VPS13B: variants seen among roughly 807,000 people sequenced by gnomAD.
The protein encoded by VPS13B is vacuolar protein sorting 13 homolog B.
Under a neutral mutation model 426.4 loss-of-function variants are expected in VPS13B, and 285 were observed. The observed-to-expected ratio is 0.67, with a 90% confidence interval of 0.61 to 0.74. VPS13B has a LOEUF of 0.74. VPS13B is among the 30% of genes least tolerant of loss of function. The pLI, the probability that VPS13B is intolerant of heterozygous loss-of-function variation, is 0.00. For synonymous variants in VPS13B, 1,676 were observed against 1,676.4 expected, an observed-to-expected ratio of 1.00 and a Z score of 0.01; for missense variants, 4,537 against 4,782.6, an observed-to-expected ratio of 0.95 and a Z score of 1.51.
intron 3 of VPS13B, among the ~76,000 whole-genome samples, chr8:99,090,980 C>T (rs1299760656): frequency 6.6e-6 from 1 of 151,992 alleles, no homozygotes; most frequent in Non-Finnish European, 1.5e-5. Context: ...GGATACACAC[C>T]CACATACCCA....
intron 15 of VPS13B, among the ~76,000 whole-genome samples, chr8:99,169,822 A>G (rs1374491449): frequency 6.6e-6 from 1 of 152,058 alleles, no homozygotes; most frequent in Non-Finnish European, 1.5e-5. Flanking sequence ...GTGATCTTTC[A>G]GGGATGTGAA....
chr8:99,478,463 T>TTG (rs1563752192), intron 24 of VPS13B, among the ~76,000 whole-genome samples: 14 of 112,870 alleles, frequency 1.2e-4, no homozygotes, highest in African/African-American at 2.5e-4. Flanking sequence ...TTTTTTTTTT[T>TTG]TTGTTTTTTG....
At chr8:99,275,413 T>C (rs191319307) in intron 19 of VPS13B, among the ~76,000 whole-genome samples, 159 bp downstream of exon 19, 2 of 152,118 alleles carry the variant, frequency 1.3e-5, no homozygotes, top group Admixed American at 6.5e-5. Context: ...GAAGAATTTT[T>C]GTATCACTTT....
At chr8:99,527,713 A>G (rs543941459) in intron 30 of VPS13B, 50 of 152,200 alleles carry the variant, frequency 3.3e-4, no homozygotes, top group Non-Finnish European at 8.8e-5. Context: ...AGATTTTTAA[A>G]AATTACCTGT....
intron 49 of VPS13B, among the ~76,000 whole-genome samples, chr8:99,820,486 G>C (rs1321907787): frequency 6.6e-6 from 1 of 152,088 alleles, no homozygotes; most frequent in African/African-American, 2.4e-5. Flanking sequence ...TGTTCTTCTG[G>C]AAATTCTCTG....
chr8:99,722,601 G>A lies in VPS13B; in HGVS notation c.7050+1554G>A, dbSNP rs181234538. ...GGCTCACTGCAAGCTCCGCCTCCTG[G>A]GTTCAGGCCATTCTCCTGCCTCAGC... is the stretch of plus-strand genomic sequence containing the variant. On this transcript the variant is annotated intron_variant, in intron 39 of 61. Coordinates refer to ENST00000357162, the MANE Select transcript of VPS13B (RefSeq NM_152564.5). Among the ~76,000 whole-genome samples the A allele has an allele frequency of 2.2e-3, 336 of 151,776 alleles. 3 individuals carry two copies. The highest frequency in any genetic ancestry group is 4.1e-3 in the Non-Finnish European group (277 of 67,934).
chr8:99,576,456 A>G (rs567843078), intron 32 of VPS13B, among the ~76,000 whole-genome samples: 1 of 152,144 alleles, frequency 6.6e-6, no homozygotes, highest in Admixed American at 6.5e-5. Context: ...TTCTAACTAG[A>G]GTGAATGAAT....
At chr8:99,615,678 A>C (rs550895625) in intron 33 of VPS13B, among the ~76,000 whole-genome samples, 1 of 152,282 alleles carries the variant, frequency 6.6e-6, no homozygotes, top group African/African-American at 2.4e-5. Flanking sequence ...AAATCAGATA[A>C]ATTTCTGTAA....
At chr8:99,172,917 C>G (rs1033143716) in intron 16 of VPS13B, among the ~76,000 whole-genome samples, 2 of 152,068 alleles carry the variant, frequency 1.3e-5, no homozygotes, top group African/African-American at 4.8e-5. Flanking sequence ...TATTGGGCAG[C>G]TCTAAATTTC....
intron 43 of VPS13B, among the ~76,000 whole-genome samples, chr8:99,794,530 G>A (rs889144274): frequency 7.9e-5 from 12 of 152,248 alleles, no homozygotes; most frequent in South Asian, 2.1e-4. Context: ...ATAGCTCCCC[G>A]TTGCTCGTGG....
At chr8:99,435,079 G>A (rs866731507) in intron 22 of VPS13B, among the ~76,000 whole-genome samples, 68 of 152,144 alleles carry the variant, frequency 4.5e-4, no homozygotes, top group African/African-American at 1.5e-3. Context: ...GAAGAGAAAT[G>A]GGAATGTCAA....
At chr8:99,435,261 A>G (rs1283355800) in intron 22 of VPS13B, among the ~76,000 whole-genome samples, 1 of 152,224 alleles carries the variant, frequency 6.6e-6, no homozygotes, top group Non-Finnish European at 1.5e-5. Flanking sequence ...AAAGTTTACT[A>G]TAGATCTAAA....
intron 17 of VPS13B, chr8:99,233,637 C>T: frequency 8.9e-7 from 1 of 1,118,774 alleles, no homozygotes; most frequent in Non-Finnish European, 1.4e-6. Flanking sequence ...TCCATCTCAG[C>T]ACTGGCATAG....
intron 16 of VPS13B, among the ~76,000 whole-genome samples, chr8:99,189,496 C>A (rs1035447395): frequency 6.6e-6 from 1 of 151,838 alleles, no homozygotes; most frequent in Non-Finnish European, 1.5e-5. Context: ...GTTTGTGACA[C>A]ATTGTGCACG....
chr8:99,341,183 C>A, intron 19 of VPS13B: 1 of 221,848 alleles, frequency 4.5e-6, no homozygotes, highest in Non-Finnish European at 9.3e-6. Context: ...GTGGTGGTGG[C>A]AAGGCCTCTC....
At chr8:99,138,136 T>C (rs1416809362) in intron 12 of VPS13B, among the ~76,000 whole-genome samples, 6 of 152,110 alleles carry the variant, frequency 3.9e-5, no homozygotes, top group African/African-American at 1.4e-4. Context: ...GATTCTAATA[T>C]ATATATATTT....
At chr8:99,277,010 A>T (rs768028628) in intron 19 of VPS13B, among the ~76,000 whole-genome samples, 25 of 152,234 alleles carry the variant, frequency 1.6e-4, no homozygotes, top group Non-Finnish European at 2.9e-4. Context: ...TTTATAATTT[A>T]AATGCATTTC....
chr8:99,234,529 C>A, intron 17 of VPS13B: 1 of 477,140 alleles, frequency 2.1e-6, no homozygotes, highest in Non-Finnish European at 4.2e-6. Flanking sequence ...GGTTGGGGTT[C>A]AGGGGCCGCA....
At chr8:99,577,223 TAGGTATGA>T (rs1204449670) in intron 32 of VPS13B, among the ~76,000 whole-genome samples, 3 of 152,146 alleles carry the variant, frequency 2.0e-5, no homozygotes, top group African/African-American at 7.2e-5. Flanking sequence ...AAAAGTCAAA[TAGGTATGA>T]AAAGGTGAAG....
Sources: allele counts gnomAD v4.1 joint callset (sites outside exome capture counted in the v4.1 genomes callset), GRCh38; gene constraint gnomAD v4.1.1; transcripts MANE v1.5; gene names NCBI Gene and HGNC (gene_info 2026-07-23, HGNC 2026-07-21).